Variants in ASMTL observed in about 807,000 individuals in gnomAD.
ASMTL encodes acetylserotonin O-methyltransferase like.
In ASMTL, 57 loss-of-function variants were observed where a neutral mutation model predicts 60.3. The observed-to-expected ratio is 0.95, with a 90% confidence interval of 0.76 to 1.18. The LOEUF is 1.18. Ranked by LOEUF, ASMTL falls within the 50% of genes most tolerant of loss-of-function variation. The probability of loss-of-function intolerance (pLI) is 0.00; values close to 1 mark genes in which losing one functional copy is unlikely to be tolerated. For synonymous variants in ASMTL, 419 were observed against 373.0 expected, an observed-to-expected ratio of 1.12 and a Z score of -1.42; for missense variants, 981 against 852.6, an observed-to-expected ratio of 1.15 and a Z score of -1.88.
chrX:1,452,935 C>T, upstream of ASMTL: 1 of 1,015,612 alleles, frequency 9.8e-7, no homozygotes, highest in Non-Finnish European at 1.4e-6. Flanking sequence ...GCCAGAGTCC[C>T]GCCTCCGCGA....
chrX:1,417,038 C>CAG (rs1318551268), intron 11 of ASMTL, among the ~76,000 whole-genome samples: 2 of 151,012 alleles, frequency 1.3e-5, no homozygotes, highest in African/African-American at 4.9e-5. Context: ...GACACAGACA[C>CAG]AAGCACAGCA....
At chrX:1,424,518 A>G (rs1388229581) in intron 8 of ASMTL, among the ~76,000 whole-genome samples, 1 of 148,332 alleles carries the variant, frequency 6.7e-6, no homozygotes, top group Non-Finnish European at 1.5e-5. Flanking sequence ...CCACACATCT[A>G]TCCACTCACC....
chrX:1,427,115 TC>T (rs1275501349), intron 7 of ASMTL, among the ~76,000 whole-genome samples: 4 of 152,174 alleles, frequency 2.6e-5, no homozygotes, highest in Non-Finnish European at 1.5e-5. Flanking sequence ...CAGGTGTCCT[TC>T]TAAGAGACAG....
intron 1 of ASMTL, among the ~76,000 whole-genome samples, chrX:1,445,349 T>C (rs1201215830): frequency 6.6e-6 from 1 of 152,170 alleles, no homozygotes; most frequent in Non-Finnish European, 1.5e-5. Flanking sequence ...GACATTCCTA[T>C]GTCCTCCTCT....
At chrX:1,414,200 G>C (rs2090150527) in intron 11 of ASMTL, among the ~76,000 whole-genome samples, 1 of 152,118 alleles carries the variant, frequency 6.6e-6, no homozygotes, top group Non-Finnish European at 1.5e-5. Context: ...CCCAGGAGCT[G>C]GGAGAGGCAG....
intron 1 of ASMTL, among the ~76,000 whole-genome samples, chrX:1,447,522 C>A (rs1161710460): frequency 6.6e-6 from 1 of 151,832 alleles, no homozygotes; most frequent in Non-Finnish European, 1.5e-5. Flanking sequence ...GGGAGAAGCA[C>A]CACCATCTTG....
intron 8 of ASMTL, 177 bp from the exon 9 acceptor site, chrX:1,422,019 CA>C: frequency 5.6e-6 from 1 of 178,362 alleles, no homozygotes; most frequent in Non-Finnish European, 1.1e-5. Context: ...AAATAAACAT[CA>C]TCCATCTGAC....
intron 6 of ASMTL, among the ~76,000 whole-genome samples, chrX:1,428,380 G>A (rs1239862901): frequency 1.3e-5 from 2 of 151,446 alleles, no homozygotes; most frequent in East Asian, 1.9e-4. Context: ...AATGGCTCAC[G>A]GCTGTAATCC....
chrX:1,421,052 C>T (rs1375560037), intron 9 of ASMTL, among the ~76,000 whole-genome samples: 2 of 151,806 alleles, frequency 1.3e-5, no homozygotes, highest in African/African-American at 2.4e-5. Context: ...CACCACATCC[C>T]GGGTTCAAGT....
intron 2 of ASMTL, among the ~76,000 whole-genome samples, chrX:1,440,904 AAC>A (rs1202934072): frequency 6.6e-6 from 1 of 152,204 alleles, no homozygotes. Context: ...TATGTATCAC[AAC>A]ACATAGTAAT....
chrX:1,437,766 G>A (rs1187286400), intron 3 of ASMTL, among the ~76,000 whole-genome samples: 1 of 151,458 alleles, frequency 6.6e-6, no homozygotes, highest in African/African-American at 2.4e-5. Flanking sequence ...ACGTGGTCGC[G>A]CGCACCTGTA....
At chrX:1,448,750 T>C (rs1200802165) in intron 1 of ASMTL, among the ~76,000 whole-genome samples, 2 of 149,608 alleles carry the variant, frequency 1.3e-5, no homozygotes, top group East Asian at 4.0e-4. Flanking sequence ...CACACCACCA[T>C]CTTGGATAAG....
chrX:1,438,126 T>G (rs1168477432), intron 3 of ASMTL, among the ~76,000 whole-genome samples: 1 of 149,470 alleles, frequency 6.7e-6, no homozygotes, highest in African/African-American at 2.5e-5. Flanking sequence ...CCGTCTCTAC[T>G]AAAAATACAA....
chrX:1,427,905 C>A lies in ASMTL; in HGVS notation c.726G>T (p.Glu242Asp). 2 of 1,613,342 alleles carry A rather than the reference C, an allele frequency of 1.2e-6. No individual in the cohort carries two copies. The highest frequency in any genetic ancestry group is 1.7e-6 in the Non-Finnish European group (2 of 1,179,840). ...ADTFEDLSDV[E>D]GGGSEPTQRD... ...TCTGAGTGGGCTCCGAGCCGCCCCC[C>A]TCCACGTCACTGAGGTCTTCGAAGG... The change falls in exon 7 of 13, where the codon GAG becomes GAT. Residue 242 changes from glutamate (E) to aspartate (D), a missense_variant. By Grantham distance (45) the Glu-to-Asp change is conservative. Coordinates refer to ENST00000381317, the MANE Select transcript of ASMTL (RefSeq NM_004192.4).
At chrX:1,410,532 G>A (rs1204787118) in intron 12 of ASMTL, among the ~76,000 whole-genome samples, 1 of 151,876 alleles carries the variant, frequency 6.6e-6, no homozygotes. Context: ...TCCTCTCTCA[G>A]CCTCCTGAGT....
chrX:1,438,182 A>G (rs1459468576), intron 3 of ASMTL, among the ~76,000 whole-genome samples: 3 of 150,406 alleles, frequency 2.0e-5, no homozygotes, highest in Admixed American at 1.3e-4. Flanking sequence ...CCAGCTACTC[A>G]GGAGGCAGGA....
At chrX:1,442,423 G>C in intron 1 of ASMTL, 106 bp from the exon 2 acceptor site, 1 of 1,312,922 alleles carries the variant, frequency 7.6e-7, no homozygotes, top group Admixed American at 2.0e-5. Flanking sequence ...TACACTCCCC[G>C]ACCCTGTCCC....
intron 1 of ASMTL, among the ~76,000 whole-genome samples, chrX:1,444,927 C>T (rs2091201469): frequency 6.6e-6 from 1 of 152,188 alleles, no homozygotes; most frequent in African/African-American, 2.4e-5. Flanking sequence ...ACCTCTGACC[C>T]CCTGCAACAG....
chrX:1,419,148 A>T, intron 9 of ASMTL, 34 bp from the exon 10 acceptor site: 1 of 1,607,194 alleles, frequency 6.2e-7, no homozygotes, highest in Non-Finnish European at 8.5e-7. Flanking sequence ...GGCACCAGAG[A>T]ACACGGGGCG....
Sources: gnomAD v4.1 joint callset for allele counts (sites outside exome capture counted in the v4.1 genomes callset) on GRCh38, gnomAD v4.1.1 for gene constraint, MANE v1.5 for transcripts, NCBI Gene and HGNC (gene_info 2026-07-23, HGNC 2026-07-21) for gene names.